The following MAP7 variants were observed in gnomAD, a reference collection of about 807,000 sequenced individuals.
MAP7 encodes microtubule associated protein 7.
Under a neutral mutation model 94.8 loss-of-function variants are expected in MAP7, and 52 were observed. The ratio of observed to expected loss-of-function variants is 0.55; its 90% CI spans 0.44 to 0.69. The LOEUF (loss-of-function observed/expected upper bound fraction) is 0.69. Among genes scored for constraint, MAP7 ranks in the 30% least tolerant of loss-of-function variants. MAP7 has a pLI of 0.00. For missense variants in MAP7, 940 were observed against 964.6 expected (o/e 0.97, Z 0.34); for synonymous variants, 350 against 357.0 (o/e 0.98, Z 0.22).
chr6:136,479,995 C>A (rs142644812), intron 1 of MAP7, among the ~76,000 whole-genome samples: 2 of 152,068 alleles, frequency 1.3e-5, no homozygotes, highest in East Asian at 3.8e-4. Flanking sequence ...GAAAAACAAT[C>A]CTAAAATTTA....
intron 1 of MAP7, among the ~76,000 whole-genome samples, chr6:136,518,846 A>G (rs1255963097): frequency 6.6e-6 from 1 of 152,200 alleles, no homozygotes; most frequent in East Asian, 1.9e-4. Flanking sequence ...GCTCTAAGTA[A>G]ACACTTAATT....
chr6:136,380,453 C>T (rs1003931034), intron 6 of MAP7, among the ~76,000 whole-genome samples: 1 of 152,146 alleles, frequency 6.6e-6, no homozygotes, highest in East Asian at 1.9e-4. Context: ...CAACACTGCT[C>T]AGGTAAAACA....
At chr6:136,486,003 G>A (rs1241624735) in intron 1 of MAP7, among the ~76,000 whole-genome samples, 2 of 152,146 alleles carry the variant, frequency 1.3e-5, no homozygotes, top group Admixed American at 6.5e-5. Context: ...GAAACATCAA[G>A]TACATCTAAT....
At chr6:136,434,177 G>A (rs994165896) in intron 1 of MAP7, among the ~76,000 whole-genome samples, 1 of 151,892 alleles carries the variant, frequency 6.6e-6, no homozygotes, top group East Asian at 1.9e-4. Context: ...CGTGGTGGTG[G>A]GCGCCTGTAA....
intron 2 of MAP7, among the ~76,000 whole-genome samples, chr6:136,416,241 A>T (rs1789363712): frequency 6.6e-6 from 1 of 152,232 alleles, no homozygotes; most frequent in Non-Finnish European, 1.5e-5. Flanking sequence ...CAGAGCCTTT[A>T]AACTTTTATT....
In MAP7 at chr6:136,449,529, C is replaced by T. The variant is rs568953822; in HGVS notation, c.68-27730G>A. ...CAGAAACAGCCGATTGGTTACAGCC[C>T]GGCATTTGCCTTATTTGAACATGAT... On this transcript the variant is annotated intron_variant, in intron 1 of 17. Coordinates refer to ENST00000354570, the MANE Select transcript of MAP7 (RefSeq NM_003980.6). Among the ~76,000 whole-genome samples the T allele has an allele frequency of 9.9e-5, 15 of 152,264 alleles. No individual in the cohort carries two copies. In the South Asian group the frequency reaches 2.7e-3, roughly 27 times the overall value.
intron 3 of MAP7, among the ~76,000 whole-genome samples, chr6:136,401,840 C>T (rs571893103): frequency 2.0e-4 from 30 of 152,102 alleles, no homozygotes; most frequent in South Asian, 8.3e-4. Context: ...ACAGAATGAT[C>T]GCTTGAATCT....
chr6:136,419,892 A>G, intron 2 of MAP7: 2 of 524,530 alleles, frequency 3.8e-6, no homozygotes, highest in South Asian at 2.0e-5. Flanking sequence ...ACTGAGGATT[A>G]TCCACTATCT....
At chr6:136,543,695 C>T (rs1829505412) in intron 1 of MAP7, among the ~76,000 whole-genome samples, 1 of 152,070 alleles carries the variant, frequency 6.6e-6, no homozygotes, top group Non-Finnish European at 1.5e-5. Flanking sequence ...TATGATTCCA[C>T]TTTTATGACA....
intron 1 of MAP7, among the ~76,000 whole-genome samples, chr6:136,541,701 G>T (rs1399839463): frequency 3.3e-5 from 5 of 152,078 alleles, no homozygotes; most frequent in Admixed American, 2.6e-4. Context: ...GAGCATCAAG[G>T]ATGAAGAACA....
chr6:136,421,562 G>A (rs895882997), intron 2 of MAP7, 139 bp downstream of exon 2: 54 of 680,288 alleles, frequency 7.9e-5, no homozygotes, highest in Non-Finnish European at 1.1e-4. Context: ...TTTGGTGGCA[G>A]GACTGAAACC....
chr6:136,500,898 A>C (rs575079532), intron 1 of MAP7, among the ~76,000 whole-genome samples: 1 of 152,352 alleles, frequency 6.6e-6, no homozygotes. Flanking sequence ...AACCATTAGT[A>C]GATTTTAAAG....
intron 7 of MAP7, among the ~76,000 whole-genome samples, chr6:136,375,177 T>A (rs956862553): frequency 2.0e-5 from 3 of 152,180 alleles, no homozygotes; most frequent in African/African-American, 7.2e-5. Flanking sequence ...AATATGGTAA[T>A]ACGGTACTAG....
At chr6:136,526,867 T>C (rs963172424) in intron 1 of MAP7, among the ~76,000 whole-genome samples, 1 of 152,128 alleles carries the variant, frequency 6.6e-6, no homozygotes, top group Non-Finnish European at 1.5e-5. Flanking sequence ...CCCCAGAGCA[T>C]GTATAAGAAC....
intron 3 of MAP7, among the ~76,000 whole-genome samples, chr6:136,391,389 TGGG>T (rs1780659283): frequency 9.1e-6 from 1 of 109,544 alleles, no homozygotes; most frequent in Non-Finnish European, 1.8e-5. Context: ...TATCACACTC[TGGG>T]GACTGTGGTG....
chr6:136,497,391 A>G (rs1003639607), intron 1 of MAP7, among the ~76,000 whole-genome samples: 2 of 151,896 alleles, frequency 1.3e-5, no homozygotes, highest in Admixed American at 6.6e-5. Context: ...TTGCAGGTGC[A>G]GCCACCTCCC....
At chr6:136,437,007 G>A (rs1182614507) in intron 1 of MAP7, among the ~76,000 whole-genome samples, 1 of 152,176 alleles carries the variant, frequency 6.6e-6, no homozygotes, top group Non-Finnish European at 1.5e-5. Context: ...TCTGTGCAGA[G>A]TCCACAAAGC....
intron 1 of MAP7, among the ~76,000 whole-genome samples, chr6:136,429,502 T>C (rs1324526390): frequency 6.6e-6 from 1 of 152,236 alleles, no homozygotes; most frequent in African/African-American, 2.4e-5. Context: ...ACCCCAACTC[T>C]TTCCCAAGCA....
In MAP7 at chr6:136,372,549, T is replaced by C; in HGVS notation, c.828A>G (p.Val276=). ...RNSMDRPKLF[V]TPPEGSSRRR... ...TGCGAGAAGAGCCCTCAGGTGGTGT[T>C]ACAAAGAGTTTTGGTCGATCCATCG... Residue 276 remains valine (V), a synonymous_variant, in exon 8 of 18, where the codon GTA becomes GTG. Coordinates refer to ENST00000354570, the MANE Select transcript of MAP7 (RefSeq NM_003980.6). 1 of 1,614,158 alleles carries C rather than the reference T, an allele frequency of 6.2e-7. No homozygotes were observed. Among genetic ancestry groups the C allele is most frequent in the Non-Finnish European group, 8.5e-7 (1 of 1,180,024 alleles).
Sources: allele counts gnomAD v4.1 joint callset (sites outside exome capture counted in the v4.1 genomes callset), GRCh38; gene constraint gnomAD v4.1.1; transcripts MANE v1.5; gene names NCBI Gene and HGNC (gene_info 2026-07-23, HGNC 2026-07-21).